The following TASP1 variants were observed in gnomAD, a reference collection of about 807,000 sequenced individuals.
The protein encoded by TASP1 is threonine aspartase 1.
Under a neutral mutation model 56.6 loss-of-function variants are expected in TASP1, and 16 were observed. That is an observed-to-expected ratio of 0.28 (90% CI 0.19 to 0.43). TASP1 has a LOEUF of 0.43. Ranked by LOEUF, TASP1 falls within the 20% of genes least tolerant of loss-of-function variation. TASP1 has a pLI of 1.00. For missense variants in TASP1, 393 were observed against 511.6 expected, an observed-to-expected ratio of 0.77 and a Z score of 2.24; for synonymous variants, 179 against 184.2, an observed-to-expected ratio of 0.97 and a Z score of 0.23.
the TASP1 span, among the ~76,000 whole-genome samples, chr20:13,202,097 C>G: frequency 6.6e-6 from 1 of 152,122 alleles, no homozygotes; most frequent in African/African-American, 2.4e-5. Flanking sequence ...TACGCACTAC[C>G]CATCTCCAGG....
At chr20:13,530,454 T>G (rs187168580) in intron 9 of TASP1, among the ~76,000 whole-genome samples, 7 of 152,318 alleles carry the variant, frequency 4.6e-5, no homozygotes, top group Non-Finnish European at 8.8e-5. Flanking sequence ...GGGATAACTA[T>G]TCAACTGGTA....
the TASP1 span, among the ~76,000 whole-genome samples, chr20:13,277,046 G>C: frequency 6.6e-6 from 1 of 152,042 alleles, no homozygotes; most frequent in Non-Finnish European, 1.5e-5. Flanking sequence ...TTGAGATTTA[G>C]TCATCGATAT....
chr20:13,613,877 C>T (rs2048434198), intron 4 of TASP1, among the ~76,000 whole-genome samples: 1 of 152,096 alleles, frequency 6.6e-6, no homozygotes, highest in South Asian at 2.1e-4. Flanking sequence ...TCAGGGCATA[C>T]TTGCAAATCA....
At chr20:13,537,084 C>T (rs1002287473) in intron 8 of TASP1, among the ~76,000 whole-genome samples, 1 of 152,026 alleles carries the variant, frequency 6.6e-6, no homozygotes, top group African/African-American at 2.4e-5. Flanking sequence ...GAATAAGTAA[C>T]GTATACACAA....
chr20:13,632,926 G>A (rs73270749), intron 1 of TASP1, among the ~76,000 whole-genome samples: 86 of 152,214 alleles, frequency 5.6e-4, no homozygotes, highest in African/African-American at 1.8e-3. Flanking sequence ...AATCTCACTC[G>A]AAAGATGCAA....
At chr20:13,406,888 G>A (rs1262630157) in intron 13 of TASP1, among the ~76,000 whole-genome samples, 2 of 151,898 alleles carry the variant, frequency 1.3e-5, no homozygotes, top group African/African-American at 2.4e-5. Context: ...GGATGGTCTC[G>A]AGCTCCTGAC....
chr20:13,527,042 T>C (rs1012472466), intron 10 of TASP1, among the ~76,000 whole-genome samples: 8 of 151,888 alleles, frequency 5.3e-5, no homozygotes, highest in Non-Finnish European at 1.0e-4. Context: ...GCTGAAATCA[T>C]GAGAACAGCA....
At chr20:13,157,461 C>T in the TASP1 span, among the ~76,000 whole-genome samples, 2 of 152,130 alleles carry the variant, frequency 1.3e-5, no homozygotes, top group South Asian at 2.1e-4. Context: ...CTCTCTAAGA[C>T]TCACACAGGT....
At chr20:13,247,514 A>AGG in the TASP1 span, among the ~76,000 whole-genome samples, 11,929 of 127,202 alleles carry the variant, frequency 0.094, 499 homozygotes, top group Admixed American at 0.14. Flanking sequence ...CAGCAAAGTG[A>AGG]GGGGTGTGTG....
intron 11 of TASP1, among the ~76,000 whole-genome samples, chr20:13,475,285 C>A (rs1423554961): frequency 1.3e-5 from 2 of 152,022 alleles, no homozygotes; most frequent in Non-Finnish European, 2.9e-5. Flanking sequence ...ACTTAAGTAT[C>A]ATGATTTTAA....
chr20:13,556,233 G>A (rs1266061758), intron 8 of TASP1, among the ~76,000 whole-genome samples: 2 of 151,986 alleles, frequency 1.3e-5, no homozygotes, highest in East Asian at 3.9e-4. Flanking sequence ...AATAACTATT[G>A]GCATCAATAT....
chr20:13,435,007 AAT>A, intron 12 of TASP1, 35 bp downstream of exon 12: 1 of 1,465,756 alleles, frequency 6.8e-7, no homozygotes, highest in Non-Finnish European at 9.3e-7. Flanking sequence ...TGGAAAAAAA[AAT>A]AGAAAGACAC....
chr20:13,164,207 A>T, the TASP1 span: 2 of 367,592 alleles, frequency 5.4e-6, no homozygotes, highest in Non-Finnish European at 1.1e-5. Flanking sequence ...GAGAGTTGAA[A>T]CAGACAAGTT....
At chr20:13,347,858 TGG>T in the TASP1 span, among the ~76,000 whole-genome samples, 1,717 of 148,334 alleles carry the variant, frequency 0.012, 34 homozygotes, top group African/African-American at 0.038. Context: ...AAAAAAAAAA[TGG>T]ATAATTTTTA....
chr20:13,377,622 T>C, the TASP1 span, among the ~76,000 whole-genome samples: 1 of 152,224 alleles, frequency 6.6e-6, no homozygotes, highest in Non-Finnish European at 1.5e-5. Flanking sequence ...CTTTTTCTAT[T>C]GTTTGGAATA....
the TASP1 span, among the ~76,000 whole-genome samples, chr20:13,160,739 T>C: frequency 6.6e-6 from 1 of 152,200 alleles, no homozygotes. Flanking sequence ...GTCAACTATG[T>C]GCAAACTTGG....
intron 8 of TASP1, among the ~76,000 whole-genome samples, chr20:13,555,581 T>C (rs1255683376): frequency 1.3e-5 from 2 of 152,090 alleles, no homozygotes; most frequent in Non-Finnish European, 2.9e-5. Context: ...CTAATTCTAG[T>C]TCTCTTGCTA....
intron 11 of TASP1, among the ~76,000 whole-genome samples, chr20:13,440,868 G>T (rs887004292): frequency 6.6e-6 from 1 of 152,064 alleles, no homozygotes; most frequent in South Asian, 2.1e-4. Flanking sequence ...TCTGTGCCAT[G>T]ATCCTTGCTT....
chr20:13,269,597 T>C, the TASP1 span, among the ~76,000 whole-genome samples: 2 of 152,198 alleles, frequency 1.3e-5, no homozygotes, highest in East Asian at 3.9e-4. Context: ...TCCTTTGCTG[T>C]TCCTTTTGCT....
Sources: gnomAD v4.1 joint callset for allele counts (sites outside exome capture counted in the v4.1 genomes callset) on GRCh38, gnomAD v4.1.1 for gene constraint, MANE v1.5 for transcripts, NCBI Gene and HGNC (gene_info 2026-07-23, HGNC 2026-07-21) for gene names.